Variants in NUDC observed in about 807,000 individuals in gnomAD.
NUDC encodes nuclear migration protein nudC.
NUDC carries 14 observed loss-of-function variants against 45.0 expected under a neutral mutation model. The observed-to-expected ratio is 0.31, with a 90% CI of 0.21 to 0.49. The LOEUF is 0.49. Among genes scored for constraint, NUDC ranks in the 20% least tolerant of loss-of-function variants. The probability of loss-of-function intolerance (pLI) is 0.99; values close to 1 mark genes in which losing one functional copy is unlikely to be tolerated. For synonymous variants in NUDC, 153 were observed against 156.7 expected (o/e 0.98, Z 0.17); for missense variants, 323 against 426.2 (o/e 0.76, Z 2.13).
chr1:26,914,962 G>A lies in NUDC; in HGVS notation c.93+3727G>A, dbSNP rs2082053423. Among the ~76,000 whole-genome samples, 3 of 148,492 alleles carry A rather than the reference G, an allele frequency of 2.0e-5. No individual in the cohort carries two copies. The Admixed American group carries it at 2.0e-4, about 10-fold the overall frequency. On this transcript the variant is annotated intron_variant, in intron 3 of 6. Transcript: ENST00000435827. Reference sequence around the variant, plus strand: ...AGCCTGGGCAACAGAGCAAGATCCTGTCTCAAAAAAATATATATGTATATG... The same window carrying A: ...AGCCTGGGCAACAGAGCAAGATCCTATCTCAAAAAAATATATATGTATATG...
chr1:26,905,440 C>T (rs939026162), intron 2 of NUDC, among the ~76,000 whole-genome samples: 2 of 152,084 alleles, frequency 1.3e-5, no homozygotes, highest in East Asian at 1.9e-4. Context: ...GGATTACAGG[C>T]GTGAGCCCAG....
intron 2 of NUDC, among the ~76,000 whole-genome samples, chr1:26,930,739 G>T (rs1340875996): frequency 6.6e-6 from 1 of 151,554 alleles, no homozygotes; most frequent in Non-Finnish European, 1.5e-5. Flanking sequence ...ATAGTGGGCT[G>T]GGCACGGTGG....
intron 2 of NUDC, among the ~76,000 whole-genome samples, chr1:26,928,204 C>T (rs1167947746): frequency 6.6e-6 from 1 of 152,054 alleles, no homozygotes; most frequent in Non-Finnish European, 1.5e-5. Flanking sequence ...TAATTCAGTT[C>T]AGTAGGCAAA....
At position 26,943,039 on chromosome 1, in the gene NUDC, A is replaced by G. The variant is rs2082292070; in HGVS notation, c.715A>G (p.Lys239Glu). ...GAGCTCGTGGCTCATTGAGGACGGC[A>G]AGGTGGTGACTGTGCATCTGGAGAA... ...EESSWLIEDG[K>E]VVTVHLEKIN... The change falls in exon 6 of 9, where the codon AAG (lysine) becomes GAG (glutamate). Residue 239 changes from lysine (K) to glutamate (E), a missense_variant. By Grantham distance (56) the Lys-to-Glu change is moderately conservative. Transcript: ENST00000321265. 1 of 1,614,080 alleles carries G rather than the reference A, an allele frequency of 6.2e-7. No individual in the cohort carries two copies. Among genetic ancestry groups the G allele is most frequent in the Non-Finnish European group, 8.5e-7 (1 of 1,180,012 alleles).
At chr1:26,907,457 T>C (rs1339089807) in intron 2 of NUDC, among the ~76,000 whole-genome samples, 2 of 152,190 alleles carry the variant, frequency 1.3e-5, no homozygotes, top group Non-Finnish European at 2.9e-5. Context: ...GTACAGGGGT[T>C]GGTACAAATG....
At chr1:26,921,661 C>T (rs868300525), upstream of NUDC, 1 of 650,194 alleles carries the variant, frequency 1.5e-6, no homozygotes, top group Admixed American at 2.5e-5. Context: ...CGGTCAATGG[C>T]CGCAAACCGG....
chr1:26,941,913 C>T, intron 4 of NUDC, 95 bp downstream of exon 4: 2 of 1,140,170 alleles, frequency 1.8e-6, no homozygotes, highest in Non-Finnish European at 2.6e-6. Flanking sequence ...CCTTCCTTAT[C>T]CTATCCCCTC....
At chr1:26,919,845 G>T (rs1431921842), upstream of NUDC, among the ~76,000 whole-genome samples, 4 of 152,106 alleles carry the variant, frequency 2.6e-5, no homozygotes, top group African/African-American at 9.7e-5. Flanking sequence ...TTAGAATTTT[G>T]CTTTTGCATG....
intron 3 of NUDC, chr1:26,913,416 G>T (rs780483249): frequency 1.2e-6 from 2 of 1,614,018 alleles, no homozygotes; most frequent in Non-Finnish European, 1.7e-6. Context: ...CACCGGGGTT[G>T]AAGAGGATGG....
chr1:26,900,837 A>T (rs988477224), intron 1 of NUDC, among the ~76,000 whole-genome samples: 3 of 152,226 alleles, frequency 2.0e-5, no homozygotes, highest in Non-Finnish European at 2.9e-5. Flanking sequence ...AATCGGTAAG[A>T]AAAAGATAAC....
chr1:26,946,851 A>T lies in NUDC; in HGVS notation c.*670A>T, dbSNP rs2082320759. ...TGGGTGACAGAGACTCCATCTCAAA[A>T]AAATAAATAAATAAAACAAGGCTTT... On this transcript the variant is annotated 3_prime_UTR_variant, in exon 9 of 9. Coordinates refer to ENST00000321265, the MANE Select transcript of NUDC (RefSeq NM_006600.4). The T allele has an allele frequency of 6.4e-6, 1 of 155,440 alleles. No homozygotes were observed. The highest frequency in any genetic ancestry group is 1.4e-5 in the Non-Finnish European group (1 of 70,138). The allele number at this position is 155,440 out of a possible 1,614,324, so 9.6% of individuals were successfully genotyped here.
At chr1:26,940,420 GA>G (rs957521330) in intron 2 of NUDC, among the ~76,000 whole-genome samples, 79 of 150,962 alleles carry the variant, frequency 5.2e-4, no homozygotes, top group African/African-American at 1.9e-3. Context: ...AGCTTGCAGT[GA>G]GCCAAGATCA....
chr1:26,937,862 T>C (rs1310604924), intron 2 of NUDC, among the ~76,000 whole-genome samples: 1 of 152,116 alleles, frequency 6.6e-6, no homozygotes, highest in Non-Finnish European at 1.5e-5. Context: ...TTGCCCAGGC[T>C]GGTTTCAAAC....
chr1:26,900,553 G>T, intron 1 of NUDC: 2 of 868,966 alleles, frequency 2.3e-6, no homozygotes, highest in Non-Finnish European at 1.7e-6. Context: ...CTTTGGGATT[G>T]GGGTTGTGGA....
At chr1:26,920,479 TA>T (rs539258295), upstream of NUDC, among the ~76,000 whole-genome samples, 113 of 140,558 alleles carry the variant, frequency 8.0e-4, no homozygotes, top group Non-Finnish European at 8.1e-4. Context: ...AGACTTGGTC[TA>T]AAAAAAAAAA....
At chr1:26,934,691 G>A (rs1040865713) in intron 2 of NUDC, among the ~76,000 whole-genome samples, 6 of 148,226 alleles carry the variant, frequency 4.0e-5, no homozygotes, top group South Asian at 2.1e-4. Flanking sequence ...ATGGAGTCTC[G>A]CTCTGTCGCC....
At chr1:26,908,652 A>G (rs1029052090) in intron 2 of NUDC, among the ~76,000 whole-genome samples, 1 of 151,880 alleles carries the variant, frequency 6.6e-6, no homozygotes, top group Non-Finnish European at 1.5e-5. Flanking sequence ...TCCAACTCCC[A>G]GCTCAAGTGA....
Position 26,943,020 on chromosome 1 carries a change from G to A in NUDC, c.696G>A (p.Ser232=), listed in dbSNP as rs988371609. ...ATGAAGTGAAGGTGGAGGAGAGCTC[G>A]TGGCTCATTGAGGACGGCAAGGTGG... ...LYNEVKVEES[S]WLIEDGKVVT... is the part of the protein sequence containing the mutation. Residue 232 remains serine, a synonymous_variant, in exon 6 of 9, where the codon TCG becomes TCA. Coordinates refer to ENST00000321265, the MANE Select transcript of NUDC (RefSeq NM_006600.4). The A allele has an allele frequency of 3.7e-6, 6 of 1,614,142 alleles. No homozygotes were observed. The highest frequency in any genetic ancestry group is 2.2e-5 in the East Asian group (1 of 44,880).
intron 2 of NUDC, among the ~76,000 whole-genome samples, chr1:26,940,875 A>G (rs1317481905): frequency 1.3e-5 from 2 of 151,048 alleles, no homozygotes; most frequent in East Asian, 2.0e-4. Context: ...GTTAGTAGAG[A>G]CGGGGTTTCA....
Sources: allele counts gnomAD v4.1 joint callset (sites outside exome capture counted in the v4.1 genomes callset), GRCh38; gene constraint gnomAD v4.1.1; transcripts MANE v1.5; gene names NCBI Gene and HGNC (gene_info 2026-07-23, HGNC 2026-07-21).